ZFP30: variants seen among roughly 807,000 people sequenced by gnomAD.
ZFP30 encodes zinc finger protein 30 homolog.
Under a neutral mutation model 12.3 loss-of-function variants are expected in ZFP30, and 16 were observed. That is an observed-to-expected ratio of 1.30 (90% CI 0.88 to 1.98). The LOEUF is 1.98. Ranked by LOEUF, ZFP30 falls within the 30% of genes most tolerant of loss-of-function variation. ZFP30 has a pLI of 0.00. For missense variants in ZFP30, 560 were observed against 611.2 expected, an observed-to-expected ratio of 0.92 and a Z score of 0.88; for synonymous variants, 172 against 201.0, an observed-to-expected ratio of 0.86 and a Z score of 1.22.
chr19:37,636,434 C>T, intron 5 of ZFP30, 129 bp from the exon 6 acceptor site: 1 of 946,528 alleles, frequency 1.1e-6, no homozygotes, highest in Non-Finnish European at 1.5e-6. Context: ...AGTAAATGGG[C>T]TCAAAATCTC....
chr19:37,631,877 C>T lies in ZFP30; in HGVS notation c.*3104G>A, dbSNP rs2147246070. The T allele has an allele frequency of 6.6e-6, 1 of 152,072 alleles. No homozygotes were observed. 9.4% of individuals were successfully genotyped at this position (152,072 alleles called of 1,614,324 possible). A position where few individuals can be genotyped will look rare whatever the true frequency, so the allele number is the denominator to read the frequency against. ...TTCTAAACTGTTGGATATAATTTCC[C>T]ATAGAAATTAGAATTACCAGATTTC... On this transcript the variant is annotated 3_prime_UTR_variant, in exon 6 of 6. Coordinates refer to ENST00000684514, the MANE Select transcript of ZFP30 (RefSeq NM_001320669.3).
chr19:37,655,135 G>A (rs73035160), intron 1 of ZFP30: 39,249 of 152,236 alleles, frequency 0.26, 6,270 homozygotes, highest in Non-Finnish European at 0.37. Flanking sequence ...CGCTACGGCC[G>A]AGCCTAAGTG....
intron 3 of ZFP30, among the ~76,000 whole-genome samples, chr19:37,646,049 A>T (rs1231821292): frequency 1.3e-5 from 2 of 152,218 alleles, no homozygotes; most frequent in African/African-American, 4.8e-5. Flanking sequence ...AACAATTCAT[A>T]AGTTTTCAAC....
chr19:37,635,795 T>C lies in ZFP30; in HGVS notation c.746A>G (p.Lys249Arg). The change falls in exon 6 of 6, where the codon AAA (lysine) becomes AGA (arginine). Residue 249 changes from lysine to arginine, a missense_variant. Transcript: ENST00000684514. ...EKPYECKECG[K>R]AFRVRGQLNL... ...AAGTTGTCCTCTAACTCTAAAGGCTTTCCCACATTCTTTACATTCATACGG... is the reference window on the plus strand; with the variant it reads ...AAGTTGTCCTCTAACTCTAAAGGCTCTCCCACATTCTTTACATTCATACGG... 4.3e-6 allele frequency: 7 copies of C among 1,614,176 alleles called. No homozygotes were observed. The highest frequency in any genetic ancestry group is 5.9e-6 in the Non-Finnish European group (7 of 1,180,034).
intron 5 of ZFP30, among the ~76,000 whole-genome samples, chr19:37,640,066 C>T (rs1260385968): frequency 6.6e-6 from 1 of 152,140 alleles, no homozygotes. Flanking sequence ...TTGGATGTTT[C>T]GTAGTATTGG....
chr19:37,654,997 G>GT (rs1009457559), intron 1 of ZFP30, 118 bp from the exon 2 acceptor site: 1 of 152,222 alleles, frequency 6.6e-6, no homozygotes, highest in Non-Finnish European at 1.5e-5. Context: ...ACCACCCACT[G>GT]TGTCTTTTCG....
chr19:37,637,516 A>T (rs1249456688), intron 5 of ZFP30, among the ~76,000 whole-genome samples: 1 of 150,396 alleles, frequency 6.6e-6, no homozygotes, highest in African/African-American at 2.4e-5. Flanking sequence ...TTTGAGACAG[A>T]GTCTCACTGT....
intron 4 of ZFP30, 68 bp downstream of exon 4, chr19:37,644,542 A>AG (rs1468308005): frequency 3.7e-5 from 52 of 1,389,292 alleles, no homozygotes; most frequent in South Asian, 2.9e-4. Context: ...TTGGAAAAAA[A>AG]CAAAGACAGC....
intron 5 of ZFP30, among the ~76,000 whole-genome samples, chr19:37,636,993 G>A (rs2044341267): frequency 2.0e-5 from 3 of 151,770 alleles, no homozygotes; most frequent in Admixed American, 2.0e-4. Context: ...TTACAGGCGT[G>A]AGCCACCACA....
Position 37,635,804 on chromosome 19 carries a change from T to C in ZFP30, c.737A>G (p.Glu246Gly), listed in dbSNP as rs2044311846. 6.2e-7 allele frequency: 1 copy of C among 1,614,216 alleles called. No homozygotes were observed. The highest frequency in any genetic ancestry group is 8.5e-7 in the Non-Finnish European group (1 of 1,180,050). The change falls in exon 6 of 6, where the codon GAA (glutamate) becomes GGA (glycine). Residue 246 changes from glutamate (E) to glycine (G), a missense_variant. Physicochemically the swap from Glu to Gly is moderately conservative, Grantham distance 98. Transcript: ENST00000684514. The part of the protein sequence containing the change: ...HIGEKPYECK[E>G]CGKAFRVRGQ... ...TCTAACTCTAAAGGCTTTCCCACAT[T>C]CTTTACATTCATACGGCTTCTCACC...
intron 3 of ZFP30, among the ~76,000 whole-genome samples, chr19:37,645,033 G>A (rs549097845): frequency 6.4e-4 from 98 of 152,050 alleles, no homozygotes; most frequent in Middle Eastern, 3.4e-3. Context: ...GTGAAACCCC[G>A]TCTCTACTAA....
At chr19:37,653,973 A>G (rs1243794607) in intron 2 of ZFP30, among the ~76,000 whole-genome samples, 1 of 152,206 alleles carries the variant, frequency 6.6e-6, no homozygotes, top group Non-Finnish European at 1.5e-5. Context: ...GGTCTTGGAA[A>G]TACACAAAGC....
intron 4 of ZFP30, among the ~76,000 whole-genome samples, chr19:37,643,979 T>C (rs375760810): frequency 2.6e-5 from 4 of 152,344 alleles, no homozygotes; most frequent in African/African-American, 9.6e-5. Flanking sequence ...TTAATAGCTA[T>C]GTAGAGCCAG....
chr19:37,644,769 A>G (rs2044507922), intron 3 of ZFP30, 33 bp from the exon 4 acceptor site: 2 of 1,589,822 alleles, frequency 1.3e-6, no homozygotes, highest in Admixed American at 3.7e-5. Context: ...TATTTGTAAG[A>G]TAAATGAAAA....
At chr19:37,650,533 G>C (rs1258307749) in intron 2 of ZFP30, among the ~76,000 whole-genome samples, 1 of 152,060 alleles carries the variant, frequency 6.6e-6, no homozygotes, top group East Asian at 1.9e-4. Flanking sequence ...CAAATCTAGA[G>C]GCAGTAATTT....
chr19:37,648,950 G>A lies in ZFP30; in HGVS notation c.-77-1051C>T, dbSNP rs2044595028. Reference sequence around the variant, plus strand: ...AGTGTGGATAATGTTCTAGAAGCTAGAAATAGGCTGGGTGCAGTGGCTCAT... The same window carrying A: ...AGTGTGGATAATGTTCTAGAAGCTAAAAATAGGCTGGGTGCAGTGGCTCAT... On this transcript the variant is annotated intron_variant, in intron 2 of 5. Coordinates refer to ENST00000684514, the MANE Select transcript of ZFP30 (RefSeq NM_001320669.3). Among the ~76,000 whole-genome samples the A allele has an allele frequency of 3.3e-5, 5 of 152,238 alleles. No homozygotes were observed. In the South Asian group the frequency reaches 1.0e-3, roughly 32 times the overall value.
rs533519939 is a variant in ZFP30, at chr19:37,637,479, G to A, written c.236-1174C>T. ...GTCAGAATTACAGGCGTCAGCCACC[G>A]CGCCCAGCCTACTTCTTTCCTTTTT... On this transcript the variant is annotated intron_variant, in intron 5 of 5. Transcript: ENST00000684514. Among the ~76,000 whole-genome samples the A allele has an allele frequency of 1.1e-4, 16 of 151,328 alleles. No individual in the cohort carries two copies. The East Asian group carries it at 2.2e-3, about 20-fold the overall frequency.
At position 37,635,161 on chromosome 19, in the gene ZFP30, A is replaced by T. The variant is rs1481513895; in HGVS notation, c.1380T>A (p.His460Gln). Residue 460 changes from histidine to glutamine, a missense_variant, in exon 6 of 6, where the codon CAT (histidine) becomes CAA (glutamine). Coordinates refer to ENST00000684514, the MANE Select transcript of ZFP30 (RefSeq NM_001320669.3). ...LSQLTQHQSI[H>Q]TGEKPYDCKE... ...TACAGTCATAGGGCTTTTCACCAGT[A>T]TGAATACTTTGATGTTGGGTAAGTT... The T allele has an allele frequency of 1.2e-6, 2 of 1,612,232 alleles. No homozygotes were observed. The highest frequency in any genetic ancestry group is 2.7e-5 in the African/African-American group (2 of 74,810).
In ZFP30 at chr19:37,634,820, G is replaced by T; in HGVS notation, c.*161C>A. 1.3e-6 allele frequency: 1 copy of T among 747,358 alleles called. No individual in the cohort carries two copies. Among genetic ancestry groups the T allele is most frequent in the Non-Finnish European group, 1.9e-6 (1 of 516,632 alleles). 46.3% of individuals were successfully genotyped at this position (747,358 alleles called of 1,614,324 possible). The stretch of plus-strand genomic sequence containing the variant: ...AACATGGTTTCAAAGGTGATGAAAG[G>T]CTTCTATATGTTCATTAACATATTC... On this transcript the variant is annotated 3_prime_UTR_variant, in exon 6 of 6. Transcript: ENST00000684514.
Sources: allele counts gnomAD v4.1 joint callset (sites outside exome capture counted in the v4.1 genomes callset), GRCh38; gene constraint gnomAD v4.1.1; transcripts MANE v1.5; gene names NCBI Gene and HGNC (gene_info 2026-07-23, HGNC 2026-07-21).